Variants in PPARGC1A observed in about 807,000 individuals in gnomAD.
PPARGC1A encodes PPARG coactivator 1 alpha.
PPARGC1A carries 25 observed loss-of-function variants against 88.7 expected under a neutral mutation model. The observed-to-expected ratio is 0.28, with a 90% CI of 0.21 to 0.39. The LOEUF (loss-of-function observed/expected upper bound fraction) is 0.39, where lower values mean the gene tolerates loss of function less well. Among genes scored for constraint, PPARGC1A ranks in the 10% least tolerant of loss-of-function variants. The pLI, the probability that PPARGC1A is intolerant of heterozygous loss-of-function variation, is 1.00. For missense variants in PPARGC1A, 880 were observed against 968.7 expected (o/e 0.91, Z 1.22); for synonymous variants, 363 against 355.6 (o/e 1.02, Z -0.24).
the PPARGC1A span, among the ~76,000 whole-genome samples, chr4:24,003,858 G>C: frequency 2.7e-5 from 4 of 150,390 alleles, no homozygotes; most frequent in Admixed American, 2.7e-4. Context: ...TCTGGCTGCA[G>C]TGTGAAGAAT....
In PPARGC1A at chr4:23,813,047, T is replaced by G. The variant is rs1251050514; in HGVS notation, c.1872A>C (p.Ser624=). The G allele has an allele frequency of 6.2e-7, 1 of 1,614,080 alleles. No homozygotes were observed. The stretch of plus-strand genomic sequence containing the variant: ...TGGGCCGACGGCTGTAGGGCGATCT[T>G]GAACGTGATCTCACATACAAGGGAG... ...RNSPLYVRSR[S]RSPYSRRPRY... is the part of the protein sequence containing the mutation. The change falls in exon 9 of 13, where the codon TCA becomes TCC. Residue 624 remains serine, a synonymous_variant. Coordinates refer to ENST00000264867, the MANE Select transcript of PPARGC1A (RefSeq NM_013261.5).
intron 2 of PPARGC1A, chr4:23,883,849 T>A (rs1358814390): frequency 6.6e-6 from 1 of 152,248 alleles, no homozygotes; most frequent in East Asian, 1.9e-4. Flanking sequence ...CCAAATAACA[T>A]GGAAGTATAA....
the PPARGC1A span, among the ~76,000 whole-genome samples, chr4:24,184,185 A>G: frequency 6.6e-6 from 1 of 152,238 alleles, no homozygotes; most frequent in African/African-American, 2.4e-5. Context: ...GAACATAATA[A>G]CATGTTTGGC....
chr4:23,903,078 T>C (rs568427883), upstream of PPARGC1A, among the ~76,000 whole-genome samples: 1 of 152,102 alleles, frequency 6.6e-6, no homozygotes, highest in South Asian at 2.1e-4. Flanking sequence ...ATATCAATCA[T>C]ATATTATAAC....
the PPARGC1A span, among the ~76,000 whole-genome samples, chr4:23,990,327 C>A: frequency 0.36 from 53,783 of 150,884 alleles, 10,053 homozygotes; most frequent in African/African-American, 0.41. Flanking sequence ...TTTTGTCATG[C>A]AAATATTGTA....
At chr4:24,206,548 G>A in the PPARGC1A span, among the ~76,000 whole-genome samples, 2 of 152,088 alleles carry the variant, frequency 1.3e-5, no homozygotes, top group African/African-American at 2.4e-5. Flanking sequence ...AACATTGGAG[G>A]CCAGGGGGCA....
the PPARGC1A span, among the ~76,000 whole-genome samples, chr4:24,442,298 T>A: frequency 2.6e-5 from 4 of 152,158 alleles, no homozygotes; most frequent in Admixed American, 2.6e-4. Context: ...TGTCAGTAGA[T>A]GACAACATGA....
the PPARGC1A span, among the ~76,000 whole-genome samples, chr4:23,984,937 A>G: frequency 1.3e-5 from 2 of 152,110 alleles, no homozygotes; most frequent in Non-Finnish European, 2.9e-5. Flanking sequence ...GCCTTGGGGA[A>G]GATGTGAATT....
the PPARGC1A span, among the ~76,000 whole-genome samples, chr4:24,020,171 T>G: frequency 1.3e-5 from 2 of 152,204 alleles, no homozygotes; most frequent in Non-Finnish European, 2.9e-5. Context: ...CAAGCCAGTC[T>G]ACCACCCAAA....
chr4:24,040,877 G>C, the PPARGC1A span, among the ~76,000 whole-genome samples: 1 of 152,160 alleles, frequency 6.6e-6, no homozygotes, highest in Non-Finnish European at 1.5e-5. Flanking sequence ...TTCATTTTAA[G>C]CTGCTGATTC....
the PPARGC1A span, among the ~76,000 whole-genome samples, chr4:24,239,915 TTC>T: frequency 6.6e-6 from 1 of 152,044 alleles, no homozygotes; most frequent in African/African-American, 2.4e-5. Context: ...GTCTCGCTTA[TTC>T]TCTCTCTGAC....
At chr4:24,415,187 CA>C in the PPARGC1A span, among the ~76,000 whole-genome samples, 366 of 122,054 alleles carry the variant, frequency 3.0e-3, no homozygotes, top group Admixed American at 9.3e-3. Context: ...GAGACTCTGT[CA>C]AAAAAAAAAA....
At chr4:23,915,456 T>G in the PPARGC1A span, among the ~76,000 whole-genome samples, 1 of 152,214 alleles carries the variant, frequency 6.6e-6, no homozygotes, top group Non-Finnish European at 1.5e-5. Flanking sequence ...AGTAACACCA[T>G]CCTAGTCCCC....
the PPARGC1A span, among the ~76,000 whole-genome samples, chr4:24,090,845 T>C: frequency 1.3e-5 from 2 of 152,342 alleles, no homozygotes; most frequent in East Asian, 3.9e-4. Context: ...GACAGGAGCA[T>C]ATAATTTTGC....
the PPARGC1A span, among the ~76,000 whole-genome samples, chr4:24,461,750 A>G: frequency 6.6e-6 from 1 of 152,188 alleles, no homozygotes; most frequent in African/African-American, 2.4e-5. Context: ...AACTCTCGGC[A>G]GGTATTCCTT....
the PPARGC1A span, among the ~76,000 whole-genome samples, chr4:24,194,616 G>A: frequency 3.2e-4 from 9 of 28,288 alleles, no homozygotes; most frequent in East Asian, 1.7e-3. Flanking sequence ...GCACACACGC[G>A]CGCGCACGCG....
chr4:23,805,005 A>G (rs1719514848), intron 10 of PPARGC1A, among the ~76,000 whole-genome samples: 1 of 152,232 alleles, frequency 6.6e-6, no homozygotes, highest in Non-Finnish European at 1.5e-5. Flanking sequence ...ATGACAGTAG[A>G]GACCATATCT....
the PPARGC1A span, among the ~76,000 whole-genome samples, chr4:24,449,058 T>C: frequency 6.6e-6 from 1 of 152,202 alleles, no homozygotes; most frequent in Non-Finnish European, 1.5e-5. Flanking sequence ...AGGTCCCACA[T>C]ACCAGTGAAA....
At chr4:24,359,219 A>C in the PPARGC1A span, among the ~76,000 whole-genome samples, 2 of 152,164 alleles carry the variant, frequency 1.3e-5, no homozygotes, top group Non-Finnish European at 2.9e-5. Context: ...TACAAAATCA[A>C]ATAACTTCCA....
Sources: gnomAD v4.1 joint callset for allele counts (sites outside exome capture counted in the v4.1 genomes callset) on GRCh38, gnomAD v4.1.1 for gene constraint, MANE v1.5 for transcripts, NCBI Gene and HGNC (gene_info 2026-07-23, HGNC 2026-07-21) for gene names.